The following PNPT1 variants were observed in gnomAD, a reference collection of about 807,000 sequenced individuals.
PNPT1 encodes the protein polyribonucleotide nucleotidyltransferase 1.
PNPT1 carries 53 observed loss-of-function variants against 119.5 expected under a neutral mutation model. The ratio of observed to expected loss-of-function variants is 0.44; its 90% confidence interval spans 0.36 to 0.56. PNPT1 has a LOEUF of 0.56. PNPT1 is among the 20% of genes least tolerant of loss of function. The probability of loss-of-function intolerance (pLI) is 0.00; values close to 1 mark genes in which losing one functional copy is unlikely to be tolerated. For missense variants in PNPT1, 948 were observed against 938.5 expected (o/e 1.01, Z -0.13); for synonymous variants, 357 against 322.1 (o/e 1.11, Z -1.16).
Position 55,680,723 on chromosome 2 carries a change from T to C in PNPT1, c.554A>G (p.Asn185Ser). Reference sequence around the variant, plus strand: ...AAATCCTAACTTACCAACAGGTCCATTCCAAGGAATATCTGATAATGAGAG... The same window carrying C: ...AAATCCTAACTTACCAACAGGTCCACTCCAAGGAATATCTGATAATGAGAG... ...VALSLSDIPW[N>S]GPVGAVRIGI... Residue 185 changes from asparagine (N) to serine (S), a missense_variant, in exon 7 of 28, where the codon AAT becomes AGT. Physicochemically the swap from Asn to Ser is conservative, Grantham distance 46. Coordinates refer to ENST00000447944, the MANE Select transcript of PNPT1 (RefSeq NM_033109.5). The C allele has an allele frequency of 1.2e-6, 2 of 1,613,384 alleles. No homozygotes were observed. Among genetic ancestry groups the C allele is most frequent in the East Asian group, 2.2e-5 (1 of 44,818 alleles).
At chr2:55,637,836 T>A (rs1408783605) in intron 26 of PNPT1, among the ~76,000 whole-genome samples, 1 of 151,672 alleles carries the variant, frequency 6.6e-6, no homozygotes. Context: ...CCATCTCTGC[T>A]AAAAATGCAA....
chr2:55,687,682 T>C lies in PNPT1; in HGVS notation c.185A>G (p.Lys62Arg). 6.2e-7 allele frequency: 1 copy of C among 1,601,110 alleles called. No homozygotes were observed. Among genetic ancestry groups the C allele is most frequent in the Non-Finnish European group, 8.5e-7 (1 of 1,175,768 alleles). Residue 62 changes from lysine to arginine, a missense_variant, in exon 2 of 28, where the codon AAG becomes AGG. Lys to Arg is a conservative substitution (Grantham distance 26, BLOSUM62 2). Transcript: ENST00000447944. ...AGAGCCATCTGCAAATCTGGCCAGC[T>C]TTCCAGAAGATATTTCTAATTTCCT... ...GNRKLEISSG[K>R]LARFADGSAV... is the part of the protein sequence containing the mutation.
At chr2:55,636,963 A>G (rs1695693724) in intron 27 of PNPT1, among the ~76,000 whole-genome samples, 1 of 152,222 alleles carries the variant, frequency 6.6e-6, no homozygotes, top group African/African-American at 2.4e-5. Flanking sequence ...CCTGGAGGCT[A>G]CTTGGACAAT....
At chr2:55,683,258 A>G (rs1017796125) in intron 5 of PNPT1, among the ~76,000 whole-genome samples, 4 of 152,268 alleles carry the variant, frequency 2.6e-5, no homozygotes, top group East Asian at 1.9e-4. Flanking sequence ...TTGGTTGGCT[A>G]ACTCCTACTG....
chr2:55,662,981 G>C (rs1340361155), intron 13 of PNPT1, among the ~76,000 whole-genome samples: 6 of 151,494 alleles, frequency 4.0e-5, no homozygotes, highest in African/African-American at 1.5e-4. Context: ...CCTGGGTTCA[G>C]ACGATTCTCC....
intron 22 of PNPT1, 100 bp from the exon 23 acceptor site, chr2:55,644,820 C>T (rs1216667241): frequency 1.1e-5 from 7 of 631,098 alleles, no homozygotes; most frequent in African/African-American, 1.9e-5. Flanking sequence ...TTGACCTAGA[C>T]ACATGTAAAA....
intron 17 of PNPT1, among the ~76,000 whole-genome samples, chr2:55,655,704 G>A (rs1204153136): frequency 1.3e-5 from 2 of 152,004 alleles, no homozygotes; most frequent in South Asian, 2.1e-4. Flanking sequence ...TGACTGCACC[G>A]TACCTTGACC....
chr2:55,687,231 A>AAG (rs10670534), intron 2 of PNPT1, among the ~76,000 whole-genome samples: 1 of 147,946 alleles, frequency 6.8e-6, no homozygotes, highest in African/African-American at 2.5e-5. Context: ...AAAAAAAAAA[A>AAG]GAGATCGAGA....
At position 55,688,126 on chromosome 2, in the gene PNPT1, C is replaced by A. The variant is rs62165234; in HGVS notation, c.162-421G>T. ...TGGCACAATTACAGCTCACTGCAACCTAGAACACCTAGGCTCAAGCGATCC... is the reference window on the plus strand; with the variant it reads ...TGGCACAATTACAGCTCACTGCAACATAGAACACCTAGGCTCAAGCGATCC... On this transcript the variant is annotated intron_variant, in intron 1 of 27. Transcript: ENST00000447944. Among the ~76,000 whole-genome samples the A allele has an allele frequency of 9.4e-3, 1,430 of 151,918 alleles. 14 individuals are homozygous for A. The highest frequency in any genetic ancestry group is 0.016 in the Non-Finnish European group (1,055 of 67,952).
chr2:55,669,186 C>A (rs960600788), intron 11 of PNPT1, among the ~76,000 whole-genome samples: 1 of 114,532 alleles, frequency 8.7e-6, no homozygotes. Flanking sequence ...TAAAAAAAAA[C>A]ATAAATAAAA....
intron 11 of PNPT1, 140 bp downstream of exon 11, chr2:55,671,179 G>C (rs971179633): frequency 6.5e-6 from 3 of 458,686 alleles, no homozygotes; most frequent in Admixed American, 4.3e-5. Context: ...CTGTAAAGTT[G>C]AAAGTCCTTT....
intron 8 of PNPT1, among the ~76,000 whole-genome samples, chr2:55,676,531 A>G (rs1442337138): frequency 6.6e-6 from 1 of 152,210 alleles, no homozygotes; most frequent in Non-Finnish European, 1.5e-5. Flanking sequence ...GACAGCATGG[A>G]GTAACTATTC....
chr2:55,670,392 T>G (rs747292021), intron 11 of PNPT1, among the ~76,000 whole-genome samples: 1 of 151,696 alleles, frequency 6.6e-6, no homozygotes, highest in Non-Finnish European at 1.5e-5. Context: ...TTCACCGTAT[T>G]AGCCAGGATG....
chr2:55,656,455 T>C (rs1438915560), intron 15 of PNPT1, 84 bp from the exon 16 acceptor site: 3 of 1,222,688 alleles, frequency 2.5e-6, no homozygotes, highest in Non-Finnish European at 3.4e-6. Context: ...ATAAAACAAC[T>C]TATAGAACAG....
chr2:55,662,053 C>A lies in PNPT1; in HGVS notation c.1177-27G>T, dbSNP rs903291867. On this transcript the variant is annotated intron_variant, in intron 13 of 27. Coordinates refer to ENST00000447944, the MANE Select transcript of PNPT1 (RefSeq NM_033109.5). The stretch of plus-strand genomic sequence containing the variant: ...TAAAAAAGAAAAAGAATTCCTCAGG[C>A]TTTAATATACTAACCACAAAGATGA... 21 of 1,503,302 alleles carry A rather than the reference C, an allele frequency of 1.4e-5. No homozygotes were observed. In the Admixed American group the frequency reaches 2.5e-4, roughly 18 times the overall value. 93.1% of individuals were successfully genotyped at this position (1,503,302 alleles called of 1,614,324 possible). A position where few individuals can be genotyped will look rare whatever the true frequency, so the allele number is the denominator to read the frequency against.
At chr2:55,680,509 C>T (rs1006291406) in intron 7 of PNPT1, among the ~76,000 whole-genome samples, 1 of 150,454 alleles carries the variant, frequency 6.6e-6, no homozygotes, top group Non-Finnish European at 1.5e-5. Flanking sequence ...ATCTGTAATA[C>T]CGTAACATAT....
chr2:55,676,567 G>T (rs1232774750), intron 8 of PNPT1, among the ~76,000 whole-genome samples: 1 of 151,914 alleles, frequency 6.6e-6, no homozygotes, highest in Non-Finnish European at 1.5e-5. Flanking sequence ...ATACTCTAAA[G>T]ATCTGGATGA....
chr2:55,686,952 C>T (rs1350235499), intron 2 of PNPT1, among the ~76,000 whole-genome samples: 5 of 151,986 alleles, frequency 3.3e-5, no homozygotes, highest in African/African-American at 1.2e-4. Context: ...CGGTGGCTCA[C>T]GTCTGTAATC....
intron 15 of PNPT1, among the ~76,000 whole-genome samples, chr2:55,658,960 C>A (rs1299911183): frequency 6.6e-6 from 1 of 152,096 alleles, no homozygotes; most frequent in Non-Finnish European, 1.5e-5. Flanking sequence ...TATTCTTTTT[C>A]TTTTTATTTT....
Sources: gnomAD v4.1 joint callset for allele counts (sites outside exome capture counted in the v4.1 genomes callset) on GRCh38, gnomAD v4.1.1 for gene constraint, MANE v1.5 for transcripts, NCBI Gene and HGNC (gene_info 2026-07-23, HGNC 2026-07-21) for gene names.